Variants in FHOD3 observed in about 807,000 individuals in gnomAD.
FHOD3 encodes formin homology 2 domain containing 3, also known as FH1/FH2 domain-containing protein 3.
In FHOD3, 90 loss-of-function variants were observed where a neutral mutation model predicts 173.0. The ratio of observed to expected loss-of-function variants is 0.52; its 90% CI spans 0.44 to 0.62. The LOEUF is 0.62. FHOD3 is among the 20% of genes least tolerant of loss of function. FHOD3 has a pLI of 0.00. For synonymous variants in FHOD3, 828 were observed against 823.0 expected, an observed-to-expected ratio of 1.01 and a Z score of -0.10; for missense variants, 1,945 against 2,034.7, an observed-to-expected ratio of 0.96 and a Z score of 0.85.
chr18:36,419,451 TC>T, intron 3 of FHOD3, among the ~76,000 whole-genome samples: 1 of 152,158 alleles, frequency 6.6e-6, no homozygotes, highest in South Asian at 2.1e-4. Flanking sequence ...AGCACAGCAG[TC>T]TGAGCTCTTG....
At chr18:36,429,044 C>T (rs746942797) in intron 3 of FHOD3, among the ~76,000 whole-genome samples, 4 of 152,192 alleles carry the variant, frequency 2.6e-5, no homozygotes, top group Non-Finnish European at 5.9e-5. Context: ...TAGAGGTACC[C>T]TCTACTGCCT....
intron 3 of FHOD3, among the ~76,000 whole-genome samples, chr18:36,429,894 G>C (rs1048334448): frequency 5.3e-5 from 8 of 152,230 alleles, no homozygotes; most frequent in Admixed American, 2.0e-4. Context: ...GGGCAGGTCT[G>C]TGGGTGGACT....
At chr18:36,411,713 G>C (rs1191181710) in intron 3 of FHOD3, among the ~76,000 whole-genome samples, 1 of 152,208 alleles carries the variant, frequency 6.6e-6, no homozygotes, top group Non-Finnish European at 1.5e-5. Context: ...AGTGGCCCAG[G>C]AGAATGCTGT....
chr18:36,482,971 A>G (rs1173808722), intron 3 of FHOD3, among the ~76,000 whole-genome samples: 4 of 152,090 alleles, frequency 2.6e-5, no homozygotes, highest in Non-Finnish European at 5.9e-5. Flanking sequence ...GCCAAGGGCC[A>G]TGATGAAATC....
intron 8 of FHOD3, among the ~76,000 whole-genome samples, chr18:36,608,513 G>A (rs1039067426): frequency 6.6e-6 from 1 of 152,152 alleles, no homozygotes; most frequent in African/African-American, 2.4e-5. Flanking sequence ...TGGGTGGGGG[G>A]CACATTCAAA....
chr18:36,639,852 A>G (rs2035183881), intron 10 of FHOD3, among the ~76,000 whole-genome samples: 1 of 151,872 alleles, frequency 6.6e-6, no homozygotes, highest in Non-Finnish European at 1.5e-5. Flanking sequence ...AGGTATACAC[A>G]AAAACTGGTG....
At chr18:36,743,299 ACT>A (rs2041992526) in intron 22 of FHOD3, among the ~76,000 whole-genome samples, 1 of 109,012 alleles carries the variant, frequency 9.2e-6, no homozygotes, top group African/African-American at 3.8e-5. Context: ...ACAGAGCAAG[ACT>A]CTGTCTCAAA....
intron 11 of FHOD3, among the ~76,000 whole-genome samples, chr18:36,650,633 T>A (rs1387232639): frequency 6.6e-6 from 1 of 152,156 alleles, no homozygotes; most frequent in Non-Finnish European, 1.5e-5. Context: ...CAGTTGAAAA[T>A]GAGCTGTAGG....
At chr18:36,625,066 C>T (rs757830966) in intron 9 of FHOD3, among the ~76,000 whole-genome samples, 2 of 152,172 alleles carry the variant, frequency 1.3e-5, no homozygotes, top group Non-Finnish European at 2.9e-5. Context: ...CACTTCTGAG[C>T]ACCCTCTTTG....
intron 5 of FHOD3, among the ~76,000 whole-genome samples, chr18:36,573,000 G>A (rs1000702319): frequency 2.1e-4 from 32 of 151,930 alleles, no homozygotes; most frequent in Admixed American, 2.0e-4. Context: ...AGGGCAGAAT[G>A]TGCCGAATTC....
rs531609812 is a variant in FHOD3 at position 36,706,710 on chromosome 18, G to T, written c.2237-2385G>T. Among the ~76,000 whole-genome samples the T allele has an allele frequency of 2.0e-4, 30 of 152,310 alleles. No individual in the cohort carries two copies. In the South Asian group the frequency reaches 5.8e-3, roughly 29 times the overall value. On this transcript the variant is annotated intron_variant, in intron 17 of 28. Coordinates refer to ENST00000590592, the MANE Select transcript of FHOD3 (RefSeq NM_001281740.3). ...TCCCTGGGGTGGTGAGTAGACACAG[G>T]CTTATGGCAGCCAACTGACCCCATG...
At chr18:36,302,595 C>G (rs1026485317) in intron 1 of FHOD3, among the ~76,000 whole-genome samples, 2 of 152,160 alleles carry the variant, frequency 1.3e-5, no homozygotes, top group African/African-American at 4.8e-5. Flanking sequence ...GTGTTTCCCT[C>G]GAAGCTAAGT....
chr18:36,519,647 C>T (rs546959516), intron 5 of FHOD3, among the ~76,000 whole-genome samples: 1 of 152,294 alleles, frequency 6.6e-6, no homozygotes, highest in East Asian at 1.9e-4. Context: ...GGAAGCAAGG[C>T]AAGGCCAGGG....
intron 3 of FHOD3, among the ~76,000 whole-genome samples, chr18:36,400,356 C>T (rs934295184): frequency 6.6e-6 from 1 of 152,206 alleles, no homozygotes; most frequent in African/African-American, 2.4e-5. Flanking sequence ...TGTTCCTCTT[C>T]TAAATGGAGA....
At chr18:36,317,220 A>C (rs905469199) in intron 1 of FHOD3, among the ~76,000 whole-genome samples, 1 of 152,164 alleles carries the variant, frequency 6.6e-6, no homozygotes, top group Non-Finnish European at 1.5e-5. Flanking sequence ...ATGATTTATA[A>C]TCCTTTGGGT....
chr18:36,579,076 A>G (rs1397113953), intron 6 of FHOD3, among the ~76,000 whole-genome samples: 2 of 152,128 alleles, frequency 1.3e-5, no homozygotes, highest in African/African-American at 4.8e-5. Context: ...AGACCGAGGG[A>G]AGATTTATAT....
intron 2 of FHOD3, among the ~76,000 whole-genome samples, chr18:36,359,912 G>A (rs2046528777): frequency 6.6e-6 from 1 of 152,202 alleles, no homozygotes; most frequent in African/African-American, 2.4e-5. Flanking sequence ...TATAATTACA[G>A]TCCAATTCTG....
At chr18:36,330,581 C>CAAA (rs1234523616) in intron 1 of FHOD3, among the ~76,000 whole-genome samples, 17,775 of 152,110 alleles carry the variant, frequency 0.12, 3,462 homozygotes, top group African/African-American at 0.4. Flanking sequence ...GGGACTGTGG[C>CAAA]GTGCAGGGCT....
At chr18:36,524,763 G>C (rs950245770) in intron 5 of FHOD3, among the ~76,000 whole-genome samples, 1 of 152,078 alleles carries the variant, frequency 6.6e-6, no homozygotes, top group African/African-American at 2.4e-5. Flanking sequence ...TCTAGATTTC[G>C]TTGCTTTTTG....
Sources: gnomAD v4.1 joint callset for allele counts (sites outside exome capture counted in the v4.1 genomes callset) on GRCh38, gnomAD v4.1.1 for gene constraint, MANE v1.5 for transcripts, NCBI Gene and HGNC (gene_info 2026-07-23, HGNC 2026-07-21) for gene names.